TMPRSS9: variants seen among roughly 807,000 people sequenced by gnomAD.
TMPRSS9 encodes transmembrane protease serine 9.
Under a neutral mutation model 111.4 loss-of-function variants are expected in TMPRSS9, and 113 were observed. The observed-to-expected ratio is 1.01, with a 90% CI of 0.87 to 1.19. The LOEUF (loss-of-function observed/expected upper bound fraction) is 1.19, where lower values mean the gene tolerates loss of function less well. Ranked by LOEUF, TMPRSS9 falls within the 50% of genes most tolerant of loss-of-function variation. The pLI is 0.00. For synonymous variants in TMPRSS9, 805 were observed against 659.1 expected, an observed-to-expected ratio of 1.22 and a Z score of -3.39; for missense variants, 1,803 against 1,513.1, an observed-to-expected ratio of 1.19 and a Z score of -3.18.
chr19:2,421,062 C>T (rs1215466592), intron 13 of TMPRSS9, among the ~76,000 whole-genome samples: 5 of 151,694 alleles, frequency 3.3e-5, no homozygotes, highest in African/African-American at 1.2e-4. Context: ...AAAAATTAGC[C>T]GGGCGTTGTG....
At chr19:2,422,349 G>A in intron 14 of TMPRSS9, 102 bp downstream of exon 15, 1 of 1,378,294 alleles carries the variant, frequency 7.3e-7, no homozygotes, top group Non-Finnish European at 9.5e-7. Flanking sequence ...GGAGGCCGAG[G>A]CGGGCGGATC....
At chr19:2,401,298 T>A (rs1375494103) in intron 4 of TMPRSS9, among the ~76,000 whole-genome samples, 1 of 151,812 alleles carries the variant, frequency 6.6e-6, no homozygotes, top group Non-Finnish European at 1.5e-5. Flanking sequence ...ACCTTGACCT[T>A]GACATGCAGG....
intron 1 of TMPRSS9, among the ~76,000 whole-genome samples, chr19:2,379,629 C>CTT (rs1395685837): frequency 7.0e-6 from 1 of 143,356 alleles, no homozygotes; most frequent in African/African-American, 2.7e-5. Context: ...TTCTTTCTTT[C>CTT]TTTCTTTCTT....
intron 4 of TMPRSS9, among the ~76,000 whole-genome samples, chr19:2,400,474 G>A (rs1470542369): frequency 6.6e-6 from 1 of 152,020 alleles, no homozygotes; most frequent in Non-Finnish European, 1.5e-5. Context: ...CCCAGGAGGC[G>A]GAGGTTGCAG....
chr19:2,363,789 AGT>A (rs1195621397), intron 1 of TMPRSS9, among the ~76,000 whole-genome samples: 55 of 90,742 alleles, frequency 6.1e-4, no homozygotes, highest in Non-Finnish European at 8.6e-4. Context: ...TCTGTGTGTG[AGT>A]GTGTGTGTGT....
At chr19:2,391,518 A>T (rs1349334387) in intron 1 of TMPRSS9, among the ~76,000 whole-genome samples, 1 of 151,360 alleles carries the variant, frequency 6.6e-6, no homozygotes, top group African/African-American at 2.4e-5. Flanking sequence ...TGTGTTCATG[A>T]GTGTGTGCAT....
exon 11 of TMPRSS9, chr19:2,415,806 C>A: frequency 6.2e-7 from 1 of 1,602,468 alleles, no homozygotes; most frequent in South Asian, 1.1e-5. Context: ...TGGTGGGGGA[C>A]CGCTGGCTGC....
At chr19:2,379,401 A>G (rs148252681) in intron 1 of TMPRSS9, among the ~76,000 whole-genome samples, 4,278 of 151,720 alleles carry the variant, frequency 0.028, 85 homozygotes, top group Non-Finnish European at 0.043. Flanking sequence ...TAGCCAGGAT[A>G]GTCTCAATCT....
intron 1 of TMPRSS9, among the ~76,000 whole-genome samples, chr19:2,370,029 G>A (rs868353772): frequency 3.3e-5 from 5 of 152,010 alleles, no homozygotes; most frequent in South Asian, 2.1e-4. Context: ...GCAATATAGC[G>A]AAACCCCTTC....
upstream of TMPRSS9, among the ~76,000 whole-genome samples, chr19:2,388,120 G>A (rs1283243841): frequency 3.3e-5 from 5 of 152,280 alleles, no homozygotes; most frequent in South Asian, 2.1e-4. Flanking sequence ...GGCTGGGCGC[G>A]GTGGCTCACG....
chr19:2,413,748 T>C lies in TMPRSS9; in HGVS notation c.1303T>C (p.Phe435Leu), dbSNP rs1274835212. The change falls in exon 10 of 18, where the codon TTT becomes CTT. Residue 435 changes from phenylalanine to leucine, a missense_variant. Phe to Leu is a conservative substitution (Grantham distance 22). Coordinates refer to ENST00000648592, the Ensembl canonical transcript of TMPRSS9. ...CTGCGAGGAGCCCTCTGGCCGGTTC[T>C]TTCTGGCTGGCATCGTGAGCTGGGG... 6.8e-6 allele frequency: 11 copies of C among 1,613,744 alleles called. No homozygotes were observed. In the Admixed American group the frequency reaches 1.3e-4, roughly 20 times the overall value.
chr19:2,393,183 A>T (rs1273034651), intron 1 of TMPRSS9, among the ~76,000 whole-genome samples: 2 of 152,144 alleles, frequency 1.3e-5, no homozygotes, highest in South Asian at 4.1e-4. Flanking sequence ...CACAGTGTAG[A>T]GGATTTGTTT....
chr19:2,368,774 G>GTATTTTTTTTT (rs1970265947), intron 1 of TMPRSS9, among the ~76,000 whole-genome samples: 1 of 70,366 alleles, frequency 1.4e-5, no homozygotes, highest in Non-Finnish European at 2.6e-5. Flanking sequence ...GATAAACCCA[G>GTATTTTTTTTT]TTTTTTTTTT....
At chr19:2,408,299 G>T in intron 7 of TMPRSS9, 57 bp from the exon 9 acceptor site, 1 of 1,575,726 alleles carries the variant, frequency 6.3e-7, no homozygotes, top group South Asian at 1.1e-5. Context: ...TGTCCCGTCT[G>T]CCTCCCCCGA....
chr19:2,361,531 G>A (rs527602469), intron 1 of TMPRSS9, among the ~76,000 whole-genome samples: 10 of 152,096 alleles, frequency 6.6e-5, no homozygotes, highest in Admixed American at 6.5e-4. Context: ...GGGGTGGGTT[G>A]TTGGTATTTG....
intron 1 of TMPRSS9, among the ~76,000 whole-genome samples, chr19:2,379,844 C>A (rs772462336): frequency 3.3e-5 from 5 of 151,324 alleles, no homozygotes; most frequent in African/African-American, 7.3e-5. Flanking sequence ...GTAGTCTCGA[C>A]CTCCTTGGCT....
intron 1 of TMPRSS9, among the ~76,000 whole-genome samples, chr19:2,374,979 C>G (rs141598849): frequency 1.5e-3 from 229 of 152,284 alleles, no homozygotes; most frequent in African/African-American, 4.8e-3. Flanking sequence ...AAACAGGTCC[C>G]GTGGAGGAGC....
At chr19:2,407,601 T>TTCTTTTTCTTC (rs1236646954) in intron 7 of TMPRSS9, among the ~76,000 whole-genome samples, 1 of 131,094 alleles carries the variant, frequency 7.6e-6, no homozygotes, top group Admixed American at 7.9e-5. Context: ...TTTTTTTCTT[T>TTCTTTTTCTTC]TCTTTTCTTT....
chr19:2,421,547 A>C (rs948579546), intron 13 of TMPRSS9, among the ~76,000 whole-genome samples: 1 of 151,944 alleles, frequency 6.6e-6, no homozygotes, highest in East Asian at 1.9e-4. Context: ...TCAGCCTCCT[A>C]AAGTGCTGGG....
Sources: allele counts gnomAD v4.1 joint callset (sites outside exome capture counted in the v4.1 genomes callset), GRCh38; gene constraint gnomAD v4.1.1; transcripts MANE v1.5; gene names NCBI Gene and HGNC (gene_info 2026-07-23, HGNC 2026-07-21).